The following TNIK variants were observed in gnomAD, a reference collection of about 807,000 sequenced individuals.
TNIK encodes the protein TRAF2 and NCK interacting kinase, also known as TRAF2 and NCK-interacting protein kinase.
Under a neutral mutation model 191.3 loss-of-function variants are expected in TNIK, and 49 were observed. The observed-to-expected ratio is 0.26, with a 90% confidence interval of 0.20 to 0.32. The LOEUF (loss-of-function observed/expected upper bound fraction) is 0.32. Ranked by LOEUF, TNIK falls within the 10% of genes least tolerant of loss-of-function variation. TNIK has a pLI of 1.00. For synonymous variants in TNIK, 594 were observed against 600.9 expected, an observed-to-expected ratio of 0.99 and a Z score of 0.17; for missense variants, 1,155 against 1,702.3, an observed-to-expected ratio of 0.68 and a Z score of 5.66.
intron 1 of TNIK, among the ~76,000 whole-genome samples, chr3:171,424,037 T>C (rs1006706051): frequency 6.6e-6 from 1 of 151,954 alleles, no homozygotes; most frequent in African/African-American, 2.4e-5. Flanking sequence ...ACCATCAGAG[T>C]GAACAGGCAA....
intron 1 of TNIK, among the ~76,000 whole-genome samples, chr3:171,393,234 C>A (rs1476082837): frequency 6.6e-6 from 1 of 152,230 alleles, no homozygotes; most frequent in Non-Finnish European, 1.5e-5. Context: ...TGAAGCAAAA[C>A]AGCCGCAGAA....
intron 12 of TNIK, among the ~76,000 whole-genome samples, chr3:171,143,591 G>A (rs910921678): frequency 4.0e-4 from 61 of 152,188 alleles, no homozygotes; most frequent in Non-Finnish European, 2.1e-4. Context: ...CAATACTGAC[G>A]GTATGGCTAC....
chr3:171,072,449 CAT>C (rs1357174836), intron 28 of TNIK, among the ~76,000 whole-genome samples: 6 of 151,922 alleles, frequency 3.9e-5, no homozygotes, highest in Non-Finnish European at 8.8e-5. Flanking sequence ...TAATAAGAGC[CAT>C]ATATGACAAA....
At chr3:171,347,352 A>G in intron 2 of TNIK, 1 of 855,176 alleles carries the variant, frequency 1.2e-6, no homozygotes, top group South Asian at 1.8e-5. Flanking sequence ...TACAAGTCCT[A>G]AGTGCCTGCA....
intron 22 of TNIK, among the ~76,000 whole-genome samples, chr3:171,095,336 G>T (rs1405802277): frequency 6.6e-6 from 1 of 152,172 alleles, no homozygotes; most frequent in East Asian, 1.9e-4. Context: ...GAGCTCAGGG[G>T]ATTTGAGAAC....
In TNIK at chr3:171,058,957, C is replaced by T. The variant is rs1265606907; in HGVS notation, c.*4924G>A. ...CTTAAACATACCATAATAAGTATTA[C>T]TATTCCTTAACATTTATCCCAGGGG... On this transcript the variant is annotated 3_prime_UTR_variant, in exon 33 of 33. Transcript: ENST00000436636. Among the ~76,000 whole-genome samples the T allele has an allele frequency of 4.6e-5, 7 of 152,154 alleles. No individual in the cohort carries two copies. The highest frequency in any genetic ancestry group is 4.6e-4 in the Admixed American group (7 of 15,270).
At chr3:171,209,064 G>GGGGTGTGTGT (rs141041586) in intron 4 of TNIK, among the ~76,000 whole-genome samples, 54 of 142,116 alleles carry the variant, frequency 3.8e-4, no homozygotes, top group South Asian at 2.3e-3. Context: ...CTTTGGAAGG[G>GGGGTGTGTGT]GTGTGTGTGT....
chr3:171,172,051 G>C (rs1735357209), intron 9 of TNIK, among the ~76,000 whole-genome samples: 1 of 151,850 alleles, frequency 6.6e-6, no homozygotes, highest in African/African-American at 2.4e-5. Flanking sequence ...TCCTGTGAGT[G>C]GTGGTGGTCT....
intron 12 of TNIK, among the ~76,000 whole-genome samples, chr3:171,146,893 CAA>C (rs34998782): frequency 4.0e-4 from 22 of 54,884 alleles, no homozygotes; most frequent in African/African-American, 9.1e-4. Flanking sequence ...GACTTCATCT[CAA>C]AAAAAAAAAA....
intron 9 of TNIK, among the ~76,000 whole-genome samples, chr3:171,173,265 G>A (rs1465957434): frequency 3.3e-5 from 5 of 151,404 alleles, no homozygotes; most frequent in East Asian, 1.9e-4. Context: ...GCATGGTGGC[G>A]GGCGCCTGTA....
intron 9 of TNIK, among the ~76,000 whole-genome samples, chr3:171,173,320 C>T (rs1361396912): frequency 4.0e-5 from 6 of 150,786 alleles, no homozygotes; most frequent in Non-Finnish European, 5.9e-5. Context: ...GGCGTGAACC[C>T]GGGAGGCAGA....
intron 2 of TNIK, among the ~76,000 whole-genome samples, chr3:171,307,735 G>T (rs1753601437): frequency 6.6e-6 from 1 of 152,050 alleles, no homozygotes; most frequent in South Asian, 2.1e-4. Context: ...CAATGGTCTG[G>T]GATGGTTCTC....
chr3:171,421,260 A>C (rs1216121605), intron 1 of TNIK, among the ~76,000 whole-genome samples: 1 of 152,056 alleles, frequency 6.6e-6, no homozygotes, highest in East Asian at 1.9e-4. Flanking sequence ...ACTGCCTTCC[A>C]CTCCCTGCAG....
intron 15 of TNIK, among the ~76,000 whole-genome samples, chr3:171,135,515 A>G (rs1293034259): frequency 6.6e-6 from 1 of 152,238 alleles, no homozygotes; most frequent in Non-Finnish European, 1.5e-5. Context: ...CACCCACTCT[A>G]AGACTTGGGA....
intron 2 of TNIK, among the ~76,000 whole-genome samples, chr3:171,280,747 A>G (rs1195012069): frequency 6.6e-6 from 1 of 152,192 alleles, no homozygotes; most frequent in Non-Finnish European, 1.5e-5. Flanking sequence ...CAATGTTGAT[A>G]TATAACATTA....
chr3:171,308,025 T>C lies in TNIK; in HGVS notation c.123+61595A>G, dbSNP rs1753640746. 2.6e-5 allele frequency among the ~76,000 whole-genome samples: 4 copies of C among 152,132 alleles called. No homozygotes were observed. In the South Asian group the frequency reaches 8.3e-4, roughly 32 times the overall value. ...CCCAAGCAATTTACAGATTAAATGC[T>C]ATTTCTATTGAACTACCAATGACAT... On this transcript the variant is annotated intron_variant, in intron 2 of 32. Coordinates refer to ENST00000436636, the MANE Select transcript of TNIK (RefSeq NM_015028.4).
intron 1 of TNIK, among the ~76,000 whole-genome samples, chr3:171,452,375 T>C (rs973901341): frequency 6.6e-6 from 1 of 152,100 alleles, no homozygotes; most frequent in African/African-American, 2.4e-5. Flanking sequence ...CTAGTTCCCT[T>C]ACATATTCCA....
intron 1 of TNIK, among the ~76,000 whole-genome samples, chr3:171,451,095 T>C (rs28453762): frequency 0.13 from 20,203 of 152,198 alleles, 1,979 homozygotes; most frequent in African/African-American, 0.28. Flanking sequence ...TTAGTTAATA[T>C]TCTTGTGTAG....
chr3:171,279,687 C>G (rs577442177), intron 2 of TNIK, among the ~76,000 whole-genome samples: 1 of 152,012 alleles, frequency 6.6e-6, no homozygotes. Context: ...ATAGCAATGA[C>G]GATGATGATG....
Sources: allele counts gnomAD v4.1 joint callset (sites outside exome capture counted in the v4.1 genomes callset), GRCh38; gene constraint gnomAD v4.1.1; transcripts MANE v1.5; gene names NCBI Gene and HGNC (gene_info 2026-07-23, HGNC 2026-07-21).